TRABD2B: variants seen among roughly 807,000 people sequenced by gnomAD.
The protein encoded by TRABD2B is TraB domain containing 2B.
A neutral mutation model predicts 40.1 loss-of-function variants in TRABD2B; 14 were observed. The observed-to-expected ratio is 0.35, with a 90% CI of 0.23 to 0.55. The LOEUF is 0.55. Ranked by LOEUF, TRABD2B falls within the 20% of genes least tolerant of loss-of-function variation. The pLI, the probability that TRABD2B is intolerant of heterozygous loss-of-function variation, is 0.90. For missense variants in TRABD2B, 541 were observed against 648.6 expected (o/e 0.83, Z 1.80); for synonymous variants, 263 against 277.0 (o/e 0.95, Z 0.50).
rs1569861097 is a variant in TRABD2B at position 47,765,827 on chromosome 1, G to A, written c.*75C>T. On this transcript the variant is annotated 3_prime_UTR_variant, in exon 7 of 7. Coordinates refer to ENST00000606738, the MANE Select transcript of TRABD2B (RefSeq NM_001194986.2). ...GACGTGTTGGGCACCCCCTGGAGGTGGTGGCAGGAGCAGTTGGGTGTGGCC... is the reference window on the plus strand; with the variant it reads ...GACGTGTTGGGCACCCCCTGGAGGTAGTGGCAGGAGCAGTTGGGTGTGGCC... 2 of 702,782 alleles carry A rather than the reference G, an allele frequency of 2.8e-6. No homozygotes were observed. Among genetic ancestry groups the A allele is most frequent in the East Asian group, 5.4e-5 (2 of 37,278 alleles). 43.5% of individuals were successfully genotyped at this position (702,782 alleles called of 1,614,324 possible). A position where few individuals can be genotyped will look rare whatever the true frequency, so the allele number is the denominator to read the frequency against.
chr1:47,982,365 T>C (rs1351067071), intron 2 of TRABD2B, among the ~76,000 whole-genome samples: 1 of 152,150 alleles, frequency 6.6e-6, no homozygotes, highest in Non-Finnish European at 1.5e-5. Flanking sequence ...AGCTGTGTGG[T>C]TTATATGCAT....
intron 5 of TRABD2B, among the ~76,000 whole-genome samples, chr1:47,775,944 G>T (rs116762358): frequency 6.6e-6 from 1 of 152,052 alleles, no homozygotes; most frequent in African/African-American, 2.4e-5. Flanking sequence ...TCTCTGGGGC[G>T]TATCTGAGCT....
rs1015937737 is a variant in TRABD2B at position 47,763,639 on chromosome 1, T to A, written c.*2263A>T. 1 of 152,234 alleles carries A rather than the reference T, an allele frequency of 6.6e-6. No individual in the cohort carries two copies. Among genetic ancestry groups the A allele is most frequent in the Non-Finnish European group, 1.5e-5 (1 of 68,040 alleles). The allele number at this position is 152,234 out of a possible 1,614,324, so 9.4% of individuals were successfully genotyped here. A position where few individuals can be genotyped will look rare whatever the true frequency, so the allele number is the denominator to read the frequency against. ...TTCTTGGCTCAGTGCCTGGCACAGA[T>A]CTGGGCACACGGTCAGGTGCCTGGA... On this transcript the variant is annotated 3_prime_UTR_variant, in exon 7 of 7. Coordinates refer to ENST00000606738, the MANE Select transcript of TRABD2B (RefSeq NM_001194986.2).
chr1:47,826,241 C>T (rs1279856503), intron 2 of TRABD2B, among the ~76,000 whole-genome samples: 2 of 152,108 alleles, frequency 1.3e-5, no homozygotes, highest in Non-Finnish European at 2.9e-5. Context: ...ACCTATCTTT[C>T]TAGTTGAAAG....
intron 2 of TRABD2B, among the ~76,000 whole-genome samples, chr1:47,841,786 C>CTTTTTTTTTTTT: frequency 7.3e-6 from 1 of 136,466 alleles, no homozygotes; most frequent in Non-Finnish European, 1.6e-5. Flanking sequence ...TTTTCTTTTT[C>CTTTTTTTTTTTT]TTTTTTTTTT....
chr1:47,919,385 G>A (rs964096477), intron 2 of TRABD2B, among the ~76,000 whole-genome samples: 1 of 152,142 alleles, frequency 6.6e-6, no homozygotes, highest in Non-Finnish European at 1.5e-5. Context: ...AAATCTAAGG[G>A]GAGCCAAACA....
intron 2 of TRABD2B, among the ~76,000 whole-genome samples, chr1:47,815,733 C>CTGA (rs1477454359): frequency 6.6e-6 from 1 of 151,140 alleles, no homozygotes; most frequent in African/African-American, 2.4e-5. Flanking sequence ...CTCCAAGTGA[C>CTGA]TGAGGGTTGT....
intron 6 of TRABD2B, among the ~76,000 whole-genome samples, chr1:47,770,125 G>T (rs540795867): frequency 2.0e-5 from 3 of 152,290 alleles, no homozygotes; most frequent in African/African-American, 7.2e-5. Context: ...CAAGGGGCTG[G>T]TGGGCTGTAC....
chr1:47,941,052 C>T (rs1035735838), intron 2 of TRABD2B, among the ~76,000 whole-genome samples: 4 of 152,094 alleles, frequency 2.6e-5, no homozygotes, highest in African/African-American at 7.2e-5. Context: ...GTGCTTCTTC[C>T]GTGCAGCCTT....
chr1:47,992,659 C>T (rs1646029070), intron 2 of TRABD2B, among the ~76,000 whole-genome samples: 1 of 152,152 alleles, frequency 6.6e-6, no homozygotes, highest in Admixed American at 6.5e-5. Context: ...TATCAGCTCC[C>T]GAGGCTGGCA....
intron 2 of TRABD2B, among the ~76,000 whole-genome samples, chr1:47,913,839 C>T (rs1431125844): frequency 6.6e-6 from 1 of 152,090 alleles, no homozygotes; most frequent in Non-Finnish European, 1.5e-5. Flanking sequence ...TATGTGCCTA[C>T]ACAGGAAAAC....
At chr1:47,798,178 T>C (rs1418981189) in intron 3 of TRABD2B, among the ~76,000 whole-genome samples, 1 of 152,136 alleles carries the variant, frequency 6.6e-6, no homozygotes, top group Non-Finnish European at 1.5e-5. Context: ...ATATGCGCTT[T>C]GAGAGGACAA....
intron 2 of TRABD2B, among the ~76,000 whole-genome samples, chr1:47,974,364 A>C (rs1469050194): frequency 6.6e-6 from 1 of 151,912 alleles, no homozygotes; most frequent in East Asian, 1.9e-4. Context: ...CCAGGTGTTC[A>C]TGGCTGGCTC....
intron 6 of TRABD2B, among the ~76,000 whole-genome samples, chr1:47,769,345 A>C (rs911579334): frequency 1.8e-4 from 27 of 152,214 alleles, no homozygotes; most frequent in Non-Finnish European, 1.0e-4. Flanking sequence ...GGCCCCCACC[A>C]TCAGAAGGCG....
chr1:47,829,928 TGG>T (rs968698101), intron 2 of TRABD2B, among the ~76,000 whole-genome samples: 5 of 152,184 alleles, frequency 3.3e-5, no homozygotes, highest in African/African-American at 1.2e-4. Flanking sequence ...CTGGCTATAC[TGG>T]GCTTCTTTGT....
rs142883446 is a variant in TRABD2B, at chr1:47,911,194, T to C, written c.666+82840A>G. ...TTCTAACAGCCTTATAGGGTAATTG[T>C]GACAATTAAATGAGATAATGCACAT... On this transcript the variant is annotated intron_variant, in intron 2 of 6. Transcript: ENST00000606738. Among the ~76,000 whole-genome samples the C allele has an allele frequency of 4.7e-3, 717 of 152,282 alleles. 4 individuals are homozygous for C. Among genetic ancestry groups the C allele is most frequent in the South Asian group, 0.014 (69 of 4,820 alleles).
intron 2 of TRABD2B, among the ~76,000 whole-genome samples, chr1:47,937,289 G>GACCATCACCACCACCATCATGATCATC (rs1557667546): frequency 2.8e-5 from 2 of 72,424 alleles, no homozygotes; most frequent in Non-Finnish European, 5.9e-5. Flanking sequence ...TCATGATCAT[G>GACCATCACCACCACCATCATGATCATC]ACCATCACCA....
chr1:47,969,470 G>C (rs17460291), intron 2 of TRABD2B, among the ~76,000 whole-genome samples: 3,729 of 152,298 alleles, frequency 0.024, 116 homozygotes, highest in Admixed American at 0.088. Context: ...AGCCAGCATA[G>C]GGCAGTTTGA....
intron 2 of TRABD2B, among the ~76,000 whole-genome samples, chr1:47,920,326 C>T (rs12119021): frequency 0.41 from 62,592 of 152,126 alleles, 15,911 homozygotes; most frequent in Middle Eastern, 0.6. Flanking sequence ...TGGCTTAATC[C>T]CCGTCAAATT....
Sources: allele counts gnomAD v4.1 joint callset (sites outside exome capture counted in the v4.1 genomes callset), GRCh38; gene constraint gnomAD v4.1.1; transcripts MANE v1.5; gene names NCBI Gene and HGNC (gene_info 2026-07-23, HGNC 2026-07-21).